NRXN1: variants seen among roughly 807,000 people sequenced by gnomAD.
The protein encoded by NRXN1 is neurexin-1.
Under a neutral mutation model 150.9 loss-of-function variants are expected in NRXN1, and 39 were observed. The ratio of observed to expected loss-of-function variants is 0.26; its 90% CI spans 0.20 to 0.34. The LOEUF (loss-of-function observed/expected upper bound fraction) is 0.34. NRXN1 is among the 10% of genes least tolerant of loss of function. The probability of loss-of-function intolerance (pLI) is 1.00; values close to 1 mark genes in which losing one functional copy is unlikely to be tolerated. For synonymous variants in NRXN1, 924 were observed against 757.0 expected (o/e 1.22, Z -3.62); for missense variants, 1,815 against 1,949.9 (o/e 0.93, Z 1.30).
At chr2:50,219,665 T>G (rs561787209) in intron 18 of NRXN1, among the ~76,000 whole-genome samples, 76 of 151,056 alleles carry the variant, frequency 5.0e-4, no homozygotes, top group African/African-American at 1.8e-3. Context: ...GGCAGGAGGA[T>G]CGCTTGAGCC....
intron 5 of NRXN1, among the ~76,000 whole-genome samples, chr2:50,766,666 AC>A (rs1324000087): frequency 6.6e-6 from 1 of 151,966 alleles, no homozygotes; most frequent in Non-Finnish European, 1.5e-5. Context: ...CTGCTATCCT[AC>A]CACAGCCGTG....
intron 5 of NRXN1, among the ~76,000 whole-genome samples, chr2:50,675,033 C>G (rs1454355211): frequency 1.3e-5 from 2 of 151,560 alleles, no homozygotes; most frequent in African/African-American, 4.8e-5. Context: ...AAAAAGAGCC[C>G]GACACCTCTT....
At chr2:50,885,467 TC>T (rs1373555980) in intron 5 of NRXN1, among the ~76,000 whole-genome samples, 5 of 151,320 alleles carry the variant, frequency 3.3e-5, no homozygotes, top group Non-Finnish European at 7.4e-5. Context: ...TATGTTTATT[TC>T]CAACTACTAT....
intron 5 of NRXN1, among the ~76,000 whole-genome samples, chr2:50,816,519 G>C (rs1009341435): frequency 6.6e-6 from 1 of 152,064 alleles, no homozygotes; most frequent in Non-Finnish European, 1.5e-5. Context: ...AACTTGACAT[G>C]GTTAAAAAGC....
intron 18 of NRXN1, among the ~76,000 whole-genome samples, chr2:50,098,924 AGTGGGCAAGATAT>A (rs1700648609): frequency 6.8e-6 from 1 of 146,536 alleles, no homozygotes; most frequent in Non-Finnish European, 1.5e-5. Flanking sequence ...AGGAATCAGA[AGTGGGCAAGATAT>A]GTGGGCAATA....
intron 17 of NRXN1, among the ~76,000 whole-genome samples, chr2:50,365,402 A>G (rs2079515612): frequency 6.6e-6 from 1 of 152,098 alleles, no homozygotes; most frequent in Admixed American, 6.6e-5. Context: ...AAATAATAGT[A>G]CATGTATAAA....
intron 8 of NRXN1, among the ~76,000 whole-genome samples, chr2:50,583,850 A>C (rs1672669112): frequency 6.6e-6 from 1 of 152,186 alleles, no homozygotes; most frequent in African/African-American, 2.4e-5. Flanking sequence ...TGATACACAA[A>C]ATATTAACAT....
At chr2:50,555,421 G>A (rs1668085627) in intron 8 of NRXN1, among the ~76,000 whole-genome samples, 1 of 152,008 alleles carries the variant, frequency 6.6e-6, no homozygotes, top group South Asian at 2.1e-4. Flanking sequence ...CAGGTGACTT[G>A]GTGATGAAAA....
chr2:50,266,526 T>A (rs1432157079), intron 17 of NRXN1, among the ~76,000 whole-genome samples: 1 of 143,836 alleles, frequency 7.0e-6, no homozygotes, highest in Non-Finnish European at 1.5e-5. Flanking sequence ...TATTTATATA[T>A]GTATATAAAT....
intron 21 of NRXN1, among the ~76,000 whole-genome samples, chr2:49,962,654 A>T (rs1187704842): frequency 1.3e-5 from 2 of 152,154 alleles, no homozygotes; most frequent in East Asian, 3.9e-4. Context: ...GTAACGGTAG[A>T]GGGTAATATC....
At chr2:50,843,051 T>C (rs1003622209) in intron 5 of NRXN1, among the ~76,000 whole-genome samples, 10 of 152,120 alleles carry the variant, frequency 6.6e-5, no homozygotes, top group Admixed American at 4.6e-4. Flanking sequence ...ATAGTACTCA[T>C]TATCGCTAAA....
At chr2:50,206,774 C>T (rs1036271237) in intron 18 of NRXN1, among the ~76,000 whole-genome samples, 3 of 150,676 alleles carry the variant, frequency 2.0e-5, no homozygotes, top group Admixed American at 6.7e-5. Flanking sequence ...TTATATATAA[C>T]ATATATAGTA....
At chr2:50,543,906 T>A (rs2093438633) in intron 9 of NRXN1, among the ~76,000 whole-genome samples, 2 of 152,094 alleles carry the variant, frequency 1.3e-5, no homozygotes, top group African/African-American at 4.8e-5. Flanking sequence ...TAGGGAACCC[T>A]TTTTCCTGGT....
At chr2:50,906,895 T>C (rs1490651501) in intron 5 of NRXN1, among the ~76,000 whole-genome samples, 1 of 152,016 alleles carries the variant, frequency 6.6e-6, no homozygotes, top group Non-Finnish European at 1.5e-5. Context: ...TATGGCACCC[T>C]GGCATGCTGA....
chr2:50,917,328 T>C (rs1299629900), intron 5 of NRXN1: 2 of 151,730 alleles, frequency 1.3e-5, no homozygotes, highest in East Asian at 1.9e-4. Context: ...ATAACCAAAT[T>C]AGGTCTATAT....
chr2:50,079,892 T>A (rs1211453162), intron 19 of NRXN1, among the ~76,000 whole-genome samples: 1 of 152,154 alleles, frequency 6.6e-6, no homozygotes, highest in East Asian at 1.9e-4. Context: ...TCTCCTCTTA[T>A]TCTACAGTTT....
At chr2:50,969,299 C>T (rs1694636228) in intron 2 of NRXN1, among the ~76,000 whole-genome samples, 1 of 152,060 alleles carries the variant, frequency 6.6e-6, no homozygotes, top group African/African-American at 2.4e-5. Context: ...TCTTTTGCTT[C>T]TTCATTTCCA....
chr2:51,006,295 A>C (rs1700712575), intron 2 of NRXN1, among the ~76,000 whole-genome samples: 1 of 151,672 alleles, frequency 6.6e-6, no homozygotes. Flanking sequence ...TATCGCAAGG[A>C]CAAAAAACCA....
At chr2:50,594,254 T>C (rs530885567) in intron 8 of NRXN1, among the ~76,000 whole-genome samples, 13 of 152,086 alleles carry the variant, frequency 8.5e-5, no homozygotes, top group Admixed American at 2.0e-4. Context: ...ATACGGAAAA[T>C]GTATATTTGC....
Sources: allele counts gnomAD v4.1 joint callset (sites outside exome capture counted in the v4.1 genomes callset), GRCh38; gene constraint gnomAD v4.1.1; transcripts MANE v1.5; gene names NCBI Gene and HGNC (gene_info 2026-07-23, HGNC 2026-07-21).